The following NPAS3 variants were observed in gnomAD, a reference collection of about 807,000 sequenced individuals.
NPAS3 encodes the protein neuronal PAS domain protein 3.
A neutral mutation model predicts 73.1 loss-of-function variants in NPAS3; 14 were observed. The ratio of observed to expected loss-of-function variants is 0.19; its 90% CI spans 0.13 to 0.30. The LOEUF is 0.30. Among genes scored for constraint, NPAS3 ranks in the 10% least tolerant of loss-of-function variants. The probability of loss-of-function intolerance (pLI) is 1.00; values close to 1 mark genes in which losing one functional copy is unlikely to be tolerated. For synonymous variants in NPAS3, 620 were observed against 541.5 expected, an observed-to-expected ratio of 1.14 and a Z score of -2.01; for missense variants, 1,096 against 1,250.0, an observed-to-expected ratio of 0.88 and a Z score of 1.86.
At position 33,040,577 on chromosome 14, in the gene NPAS3, C is replaced by G. The variant is rs1395627912; in HGVS notation, c.51-15328C>G. Among the ~76,000 whole-genome samples, 4 of 152,250 alleles carry G rather than the reference C, an allele frequency of 2.6e-5. No homozygotes were observed. In the South Asian group the frequency reaches 8.3e-4, roughly 32 times the overall value. On this transcript the variant is annotated intron_variant, in intron 1 of 11. Transcript: ENST00000356141. ...CAATGATACTTTAATACCCGCCCCC[C>G]ACAGATCTACATACCAGGAGGCACT...
intron 1 of NPAS3, among the ~76,000 whole-genome samples, chr14:32,976,581 C>T (rs1050761293): frequency 2.6e-5 from 4 of 152,086 alleles, no homozygotes; most frequent in East Asian, 3.9e-4. Flanking sequence ...CTGCTTTAAA[C>T]GATTTACAAG....
chr14:33,702,986 T>C (rs2060562007), intron 6 of NPAS3, among the ~76,000 whole-genome samples: 1 of 152,218 alleles, frequency 6.6e-6, no homozygotes, highest in South Asian at 2.1e-4. Flanking sequence ...TATCAAACTT[T>C]CCAATTGAAT....
intron 2 of NPAS3, among the ~76,000 whole-genome samples, chr14:33,179,174 A>G (rs1243143931): frequency 6.6e-6 from 1 of 152,074 alleles, no homozygotes; most frequent in Admixed American, 6.5e-5. Context: ...AATTATGTTA[A>G]TATGATGTTG....
chr14:33,328,667 C>T lies in NPAS3; in HGVS notation c.386-38519C>T, dbSNP rs911160376. 2.6e-5 allele frequency among the ~76,000 whole-genome samples: 4 copies of T among 151,738 alleles called. No homozygotes were observed. The South Asian group carries it at 8.3e-4, about 32-fold the overall frequency. ...AGAGACGGGGTTTCACTGTGTTAGC[C>T]AGGATGGTCTCCACCTCCTGACCAC... On this transcript the variant is annotated intron_variant, in intron 3 of 11. Transcript: ENST00000356141.
chr14:32,971,266 G>A (rs2037412290), intron 1 of NPAS3, among the ~76,000 whole-genome samples: 1 of 151,898 alleles, frequency 6.6e-6, no homozygotes, highest in Non-Finnish European at 1.5e-5. Flanking sequence ...TGTATTTTTA[G>A]TAGAGATGGG....
Position 33,453,333 on chromosome 14 carries a change from T to C in NPAS3, c.468+86065T>C, listed in dbSNP as rs978939285. Among the ~76,000 whole-genome samples the C allele has an allele frequency of 5.3e-5, 8 of 152,224 alleles. No individual in the cohort carries two copies. In the South Asian group the frequency reaches 8.3e-4, roughly 16 times the overall value. ...ACATTTGGGCAGGGGCTTTCAAGAATTTTAGAGCCAGAGCATAAAGAAGAT... is the reference window on the plus strand; with the variant it reads ...ACATTTGGGCAGGGGCTTTCAAGAACTTTAGAGCCAGAGCATAAAGAAGAT... On this transcript the variant is annotated intron_variant, in intron 4 of 11. Coordinates refer to ENST00000356141, the Ensembl canonical transcript of NPAS3.
At chr14:33,682,034 A>G (rs962737259) in intron 6 of NPAS3, among the ~76,000 whole-genome samples, 2 of 152,238 alleles carry the variant, frequency 1.3e-5, no homozygotes, top group Non-Finnish European at 2.9e-5. Flanking sequence ...TTCAATCTGA[A>G]TGGCAGTTTG....
At chr14:33,299,142 G>A (rs1249905646) in intron 3 of NPAS3, among the ~76,000 whole-genome samples, 1 of 152,192 alleles carries the variant, frequency 6.6e-6, no homozygotes. Flanking sequence ...AAGTTAAGCT[G>A]AGGTATAAGT....
chr14:33,250,511 C>T (rs942314044), intron 3 of NPAS3, among the ~76,000 whole-genome samples: 21 of 152,138 alleles, frequency 1.4e-4, no homozygotes, highest in Non-Finnish European at 2.5e-4. Flanking sequence ...GTAAAGCTTA[C>T]GATCAGTAAT....
chr14:33,610,508 C>CA (rs1360454500), intron 5 of NPAS3, among the ~76,000 whole-genome samples: 2 of 151,734 alleles, frequency 1.3e-5, no homozygotes, highest in East Asian at 1.9e-4. Context: ...TCTTGTATGA[C>CA]AAAAAAACAA....
At chr14:33,690,642 A>C (rs1472141266) in intron 6 of NPAS3, among the ~76,000 whole-genome samples, 2 of 152,164 alleles carry the variant, frequency 1.3e-5, no homozygotes, top group Non-Finnish European at 2.9e-5. Flanking sequence ...CATGTAAAAG[A>C]GAGGCAGAAA....
chr14:33,020,604 A>G (rs2039556676), intron 1 of NPAS3, among the ~76,000 whole-genome samples: 1 of 152,138 alleles, frequency 6.6e-6, no homozygotes. Context: ...CAGCCCTCAA[A>G]GTGCCTCTCA....
chr14:33,575,015 G>A (rs1028083239), intron 5 of NPAS3, among the ~76,000 whole-genome samples: 1 of 152,158 alleles, frequency 6.6e-6, no homozygotes, highest in African/African-American at 2.4e-5. Flanking sequence ...CCAGGCAGGA[G>A]GAAAGCTCAA....
At position 33,731,517 on chromosome 14, in the gene NPAS3, GAA is replaced by G. The variant is rs548787743; in HGVS notation, c.734-3695_734-3694del. ...CTACAGAGACCCTGGAGAGAATACT[GAA>G]AGTGTTCCAAACAAACCTGGCCCTA... is the stretch of plus-strand genomic sequence containing the variant. On this transcript the variant is annotated intron_variant, in intron 6 of 11. Transcript: ENST00000356141. Among the ~76,000 whole-genome samples, 519 of 151,886 alleles carry G rather than the reference GAA, an allele frequency of 3.4e-3. 1 individual carries two copies. The highest frequency in any genetic ancestry group is 0.012 in the African/African-American group (499 of 41,418).
Position 33,097,985 on chromosome 14 carries a change from G to GA in NPAS3, c.140+41999dup, listed in dbSNP as rs997589999. On this transcript the variant is annotated intron_variant, in intron 2 of 11. Transcript: ENST00000356141. ...CACTCATTTAATTGTATCTGTAGAG[G>GA]AAAAAAAACTCTTAACTTTAATATA... Among the ~76,000 whole-genome samples, 12 of 151,498 alleles carry GA rather than the reference G, an allele frequency of 7.9e-5. No individual in the cohort carries two copies. In the South Asian group the frequency reaches 1.9e-3, roughly 24 times the overall value.
intron 5 of NPAS3, among the ~76,000 whole-genome samples, chr14:33,570,846 A>G (rs1595177942): frequency 2.6e-5 from 4 of 152,318 alleles, no homozygotes; most frequent in African/African-American, 7.2e-5. Flanking sequence ...CTTTTAAAAT[A>G]ATTATAAAAG....
chr14:32,945,862 A>G (rs2036228103), intron 1 of NPAS3, among the ~76,000 whole-genome samples: 1 of 152,192 alleles, frequency 6.6e-6, no homozygotes, highest in Non-Finnish European at 1.5e-5. Context: ...ACTTCAGGGC[A>G]GATTTGTAGC....
chr14:33,291,747 T>A, intron 3 of NPAS3, among the ~76,000 whole-genome samples: 1 of 152,248 alleles, frequency 6.6e-6, no homozygotes, highest in Non-Finnish European at 1.5e-5. Context: ...TGTCAACCTG[T>A]GATTCTGTCA....
At chr14:33,193,218 C>G (rs1394773561) in intron 2 of NPAS3, among the ~76,000 whole-genome samples, 1 of 133,806 alleles carries the variant, frequency 7.5e-6, no homozygotes, top group Non-Finnish European at 1.6e-5. Context: ...TTTTTTTAGG[C>G]TTAACATTTT....
Sources: allele counts gnomAD v4.1 joint callset (sites outside exome capture counted in the v4.1 genomes callset), GRCh38; gene constraint gnomAD v4.1.1; transcripts MANE v1.5; gene names NCBI Gene and HGNC (gene_info 2026-07-23, HGNC 2026-07-21).